PRELID2: variants seen among roughly 807,000 people sequenced by gnomAD.
The protein encoded by PRELID2 is PRELI domain-containing protein 2.
PRELID2 carries 25 observed loss-of-function variants against 28.4 expected under a neutral mutation model. The observed-to-expected ratio is 0.88, with a 90% CI of 0.64 to 1.23. The LOEUF (loss-of-function observed/expected upper bound fraction) is 1.23, where lower values mean the gene tolerates loss of function less well. Among genes scored for constraint, PRELID2 ranks in the 50% most tolerant of loss-of-function variants. PRELID2 has a pLI of 0.00. For synonymous variants in PRELID2, 76 were observed against 71.6 expected (o/e 1.06, Z -0.31); for missense variants, 201 against 214.4 (o/e 0.94, Z 0.39).
At chr5:145,379,384 C>G in the PRELID2 span, among the ~76,000 whole-genome samples, 3 of 152,112 alleles carry the variant, frequency 2.0e-5, no homozygotes, top group Non-Finnish European at 2.9e-5. Flanking sequence ...GGCAATGCAG[C>G]TGGAATAAGG....
intron 5 of PRELID2, among the ~76,000 whole-genome samples, chr5:145,789,976 A>G (rs1752259566): frequency 6.6e-6 from 1 of 152,232 alleles, no homozygotes; most frequent in African/African-American, 2.4e-5. Context: ...AATGGCTGAT[A>G]TCAAAAAGAT....
the PRELID2 span, among the ~76,000 whole-genome samples, chr5:145,242,169 T>C: frequency 1.3e-5 from 2 of 151,988 alleles, no homozygotes; most frequent in South Asian, 2.1e-4. Context: ...TGTGTGAATA[T>C]ATATATACAT....
intron 4 of PRELID2, among the ~76,000 whole-genome samples, chr5:145,797,772 G>GC (rs140573048): frequency 6.6e-6 from 1 of 151,928 alleles, no homozygotes; most frequent in Non-Finnish European, 1.5e-5. Context: ...AGAAGTGGCT[G>GC]TTTTTTTATA....
At chr5:145,387,040 A>G in the PRELID2 span, among the ~76,000 whole-genome samples, 1 of 152,188 alleles carries the variant, frequency 6.6e-6, no homozygotes, top group African/African-American at 2.4e-5. Flanking sequence ...TTTTCCAAAA[A>G]GGTTCATTTT....
chr5:145,706,295 T>A (rs1320184820), intron 1 of PRELID2, among the ~76,000 whole-genome samples: 1 of 152,198 alleles, frequency 6.6e-6, no homozygotes, highest in African/African-American at 2.4e-5. Context: ...ACTGTCTGTA[T>A]CATCACAGAA....
intron 1 of PRELID2, among the ~76,000 whole-genome samples, chr5:145,539,095 G>A (rs747476617): frequency 2.3e-4 from 35 of 151,998 alleles, no homozygotes; most frequent in Middle Eastern, 3.4e-3. Flanking sequence ...TAAGACAGCC[G>A]AAACAAGGAG....
intron 1 of PRELID2, among the ~76,000 whole-genome samples, chr5:145,715,162 A>G (rs938343775): frequency 2.0e-5 from 3 of 152,086 alleles, no homozygotes; most frequent in Non-Finnish European, 2.9e-5. Context: ...CTTTTTTATT[A>G]TCAAAACAGA....
At chr5:145,330,448 A>C in the PRELID2 span, among the ~76,000 whole-genome samples, 1 of 152,206 alleles carries the variant, frequency 6.6e-6, no homozygotes, top group Non-Finnish European at 1.5e-5. Context: ...CCTCAATTTC[A>C]GAACTTGTTA....
intron 1 of PRELID2, among the ~76,000 whole-genome samples, chr5:145,520,213 G>T (rs892532911): frequency 3.9e-5 from 6 of 152,148 alleles, no homozygotes; most frequent in Non-Finnish European, 5.9e-5. Context: ...CTGGCATACA[G>T]GACATAACAT....
At chr5:145,765,613 C>T (rs1467535690) in intron 5 of PRELID2, among the ~76,000 whole-genome samples, 3 of 152,158 alleles carry the variant, frequency 2.0e-5, no homozygotes, top group Non-Finnish European at 4.4e-5. Flanking sequence ...TTTGGGACAA[C>T]TCTGAGGAGC....
chr5:145,367,501 G>A, the PRELID2 span, among the ~76,000 whole-genome samples: 1 of 151,850 alleles, frequency 6.6e-6, no homozygotes, highest in South Asian at 2.1e-4. Context: ...TTCATTCTTG[G>A]TGTCGTACAT....
At chr5:145,415,239 T>C in the PRELID2 span, among the ~76,000 whole-genome samples, 59 of 152,236 alleles carry the variant, frequency 3.9e-4, no homozygotes, top group African/African-American at 1.3e-3. Flanking sequence ...CTTTTTTTTG[T>C]TGTTGGTTTT....
At chr5:145,834,993 C>T in intron 1 of PRELID2, 184 bp downstream of exon 1, 1 of 518,894 alleles carries the variant, frequency 1.9e-6, no homozygotes, top group Admixed American at 3.4e-5. Context: ...AAGCACGGCC[C>T]CTTTTCCCGC....
intron 1 of PRELID2, among the ~76,000 whole-genome samples, chr5:145,737,936 T>C (rs1381990737): frequency 6.6e-6 from 1 of 152,198 alleles, no homozygotes; most frequent in African/African-American, 2.4e-5. Context: ...ACCTCTTTCC[T>C]GCCGCACTGA....
At chr5:145,367,855 C>T in the PRELID2 span, among the ~76,000 whole-genome samples, 1 of 127,962 alleles carries the variant, frequency 7.8e-6, no homozygotes, top group East Asian at 4.5e-4. Flanking sequence ...TCACCTGCAA[C>T]CTACATCTTG....
At chr5:145,501,681 C>T in intron 1 of PRELID2, among the ~76,000 whole-genome samples, 1 of 152,110 alleles carries the variant, frequency 6.6e-6, no homozygotes, top group East Asian at 1.9e-4. Context: ...ATCCATTAAA[C>T]CTCTTTTTCT....
At chr5:145,806,732 T>C (rs1195669992) in intron 4 of PRELID2, among the ~76,000 whole-genome samples, 1 of 152,168 alleles carries the variant, frequency 6.6e-6, no homozygotes, top group African/African-American at 2.4e-5. Context: ...TGGGAGTGGT[T>C]TCCTCCATGC....
the PRELID2 span, among the ~76,000 whole-genome samples, chr5:145,384,182 G>A: frequency 2.0e-4 from 31 of 152,256 alleles, no homozygotes; most frequent in African/African-American, 6.7e-4. Context: ...GAGTGTGGAA[G>A]AACTGGGCAT....
chr5:145,572,136 T>C (rs2149618434), intron 1 of PRELID2, among the ~76,000 whole-genome samples: 1 of 152,346 alleles, frequency 6.6e-6, no homozygotes, highest in East Asian at 1.9e-4. Flanking sequence ...TTCCAGATCT[T>C]TAGATAAATT....
Sources: gnomAD v4.1 joint callset for allele counts (sites outside exome capture counted in the v4.1 genomes callset) on GRCh38, gnomAD v4.1.1 for gene constraint, MANE v1.5 for transcripts, NCBI Gene and HGNC (gene_info 2026-07-23, HGNC 2026-07-21) for gene names.